IQSEC3: variants seen among roughly 807,000 people sequenced by gnomAD.
IQSEC3 encodes IQ motif and SEC7 domain-containing protein 3.
A neutral mutation model predicts 105.4 loss-of-function variants in IQSEC3; 50 were observed. The observed-to-expected ratio is 0.47, with a 90% CI of 0.38 to 0.60. The LOEUF (loss-of-function observed/expected upper bound fraction) is 0.60, where lower values mean the gene tolerates loss of function less well. Among genes scored for constraint, IQSEC3 ranks in the 20% least tolerant of loss-of-function variants. The pLI, the probability that IQSEC3 is intolerant of heterozygous loss-of-function variation, is 0.00. For synonymous variants in IQSEC3, 708 were observed against 746.0 expected (o/e 0.95, Z 0.83); for missense variants, 1,415 against 1,630.0 (o/e 0.87, Z 2.27).
chr12:79,671 A>G (rs1272339741), intron 1 of IQSEC3, among the ~76,000 whole-genome samples: 4 of 152,218 alleles, frequency 2.6e-5, no homozygotes, highest in Non-Finnish European at 4.4e-5. Context: ...GCCTCAAGCA[A>G]TCTTCCCAAT....
intron 13 of IQSEC3, among the ~76,000 whole-genome samples, chr12:173,968 G>C (rs927821619): frequency 6.6e-6 from 1 of 152,218 alleles, no homozygotes; most frequent in Non-Finnish European, 1.5e-5. Context: ...GACCCAGCTT[G>C]GGCCAGAATG....
intron 2 of IQSEC3, among the ~76,000 whole-genome samples, chr12:114,078 C>G (rs1864976970): frequency 6.6e-6 from 1 of 152,188 alleles, no homozygotes; most frequent in Non-Finnish European, 1.5e-5. Context: ...CACTTAACTT[C>G]TTAGGGTGTT....
At chr12:135,279 A>G (rs1285806289) in intron 3 of IQSEC3, among the ~76,000 whole-genome samples, 5 of 152,222 alleles carry the variant, frequency 3.3e-5, no homozygotes, top group Non-Finnish European at 7.3e-5. Context: ...TTCCTGCCTG[A>G]GCCAAAGCCA....
At chr12:79,737 G>A (rs991542395) in intron 1 of IQSEC3, among the ~76,000 whole-genome samples, 3 of 152,096 alleles carry the variant, frequency 2.0e-5, no homozygotes, top group African/African-American at 7.2e-5. Context: ...CATTGACCTA[G>A]TACAAGATTC....
At chr12:126,035 A>AGT (rs1865393502) in intron 3 of IQSEC3, 123 bp downstream of exon 3, 1 of 1,047,394 alleles carries the variant, frequency 9.5e-7, no homozygotes, top group East Asian at 2.7e-5. Context: ...CTTTTGCCAC[A>AGT]GTTCTCCTGC....
intron 2 of IQSEC3, among the ~76,000 whole-genome samples, chr12:120,948 G>T (rs560227370): frequency 6.6e-6 from 1 of 152,120 alleles, no homozygotes; most frequent in Non-Finnish European, 1.5e-5. Flanking sequence ...GACCAGCATC[G>T]CTCATATACC....
At chr12:161,222 TAAAG>T (rs1356071411) in intron 7 of IQSEC3, among the ~76,000 whole-genome samples, 7 of 152,238 alleles carry the variant, frequency 4.6e-5, no homozygotes, top group African/African-American at 1.7e-4. Flanking sequence ...GTATAGTCAT[TAAAG>T]AAAGATTTGG....
At chr12:155,309 C>A (rs1391703856) in intron 5 of IQSEC3, among the ~76,000 whole-genome samples, 1 of 152,252 alleles carries the variant, frequency 6.6e-6, no homozygotes, top group Non-Finnish European at 1.5e-5. Context: ...CTGGCCTCCA[C>A]CCCAGCCCCA....
chr12:162,718 T>C (rs1220845524), intron 8 of IQSEC3, among the ~76,000 whole-genome samples: 3 of 152,178 alleles, frequency 2.0e-5, no homozygotes, highest in Non-Finnish European at 4.4e-5. Flanking sequence ...GAGCCTTTAT[T>C]GCTGAGGTCT....
intron 2 of IQSEC3, 87 bp downstream of exon 2, chr12:99,301 C>T (rs1376724357): frequency 2.5e-6 from 3 of 1,221,504 alleles, no homozygotes; most frequent in Admixed American, 4.1e-5. Context: ...AGCTATTGGG[C>T]CTCCTCCTCT....
chr12:83,473 G>A (rs1863816556), intron 1 of IQSEC3, among the ~76,000 whole-genome samples: 1 of 151,980 alleles, frequency 6.6e-6, no homozygotes, highest in East Asian at 1.9e-4. Flanking sequence ...CTTAGGGGGT[G>A]GCATCTGAGC....
At chr12:79,064 C>T (rs1312952952) in intron 1 of IQSEC3, among the ~76,000 whole-genome samples, 1 of 152,228 alleles carries the variant, frequency 6.6e-6, no homozygotes, top group Non-Finnish European at 1.5e-5. Context: ...CATCTACTTT[C>T]AGGAGAACAT....
chr12:98,227 C>G (rs1555075178), intron 1 of IQSEC3, among the ~76,000 whole-genome samples: 2 of 152,140 alleles, frequency 1.3e-5, no homozygotes, highest in Non-Finnish European at 2.9e-5. Flanking sequence ...CAGGTTGGCT[C>G]AAAGCGGATA....
At chr12:95,169 A>T (rs1864206413) in intron 1 of IQSEC3, among the ~76,000 whole-genome samples, 1 of 152,236 alleles carries the variant, frequency 6.6e-6, no homozygotes, top group African/African-American at 2.4e-5. Flanking sequence ...TCGGGCTGGA[A>T]GACTGACCTG....
intron 3 of IQSEC3, among the ~76,000 whole-genome samples, chr12:126,626 T>C (rs1336404385): frequency 2.0e-5 from 3 of 151,300 alleles, no homozygotes; most frequent in African/African-American, 7.3e-5. Flanking sequence ...AGCTTTGAAC[T>C]TGGAGATGTA....
chr12:73,940 TTCTTTAAGCCCAAC>T (rs1863423579), intron 1 of IQSEC3, among the ~76,000 whole-genome samples: 1 of 152,278 alleles, frequency 6.6e-6, no homozygotes, highest in South Asian at 2.1e-4. Flanking sequence ...TGGCAAAGGC[TTCTTTAAGCCCAAC>T]TAAAACCTCT....
intron 11 of IQSEC3, chr12:167,159 A>C (rs1938696547): frequency 6.6e-6 from 1 of 152,140 alleles, no homozygotes; most frequent in African/African-American, 2.4e-5. Flanking sequence ...AAACAAACAG[A>C]TTCTTTTCAA....
chr12:115,469 C>G (rs1565406583), intron 2 of IQSEC3, among the ~76,000 whole-genome samples: 2 of 152,154 alleles, frequency 1.3e-5, no homozygotes, highest in Admixed American at 1.3e-4. Context: ...GTCACCATAA[C>G]AGGGCTCCGC....
chr12:93,392 GC>G (rs1177324266), intron 1 of IQSEC3, among the ~76,000 whole-genome samples: 1 of 152,200 alleles, frequency 6.6e-6, no homozygotes, highest in Non-Finnish European at 1.5e-5. Context: ...TCAGGTTGGT[GC>G]CACCAAGAGA....
Sources: gnomAD v4.1 joint callset for allele counts (sites outside exome capture counted in the v4.1 genomes callset) on GRCh38, gnomAD v4.1.1 for gene constraint, MANE v1.5 for transcripts, NCBI Gene and HGNC (gene_info 2026-07-23, HGNC 2026-07-21) for gene names.